The following MGAM variants were observed in gnomAD, a reference collection of about 807,000 sequenced individuals.
MGAM encodes alpha-1,4-glucosidase.
Under a neutral mutation model 358.8 loss-of-function variants are expected in MGAM, and 253 were observed. That is an observed-to-expected ratio of 0.71 (90% CI 0.64 to 0.78). MGAM has a LOEUF of 0.78. Among genes scored for constraint, MGAM ranks in the 30% least tolerant of loss-of-function variants. The pLI, the probability that MGAM is intolerant of heterozygous loss-of-function variation, is 0.00. For missense variants in MGAM, 3,080 were observed against 3,432.6 expected (o/e 0.90, Z 2.57); for synonymous variants, 1,105 against 1,227.1 (o/e 0.90, Z 2.08).
intron 10 of MGAM, 156 bp from the exon 11 acceptor site, chr7:142,030,206 T>C (rs925702929): frequency 1.1e-5 from 9 of 787,042 alleles, no homozygotes; most frequent in Non-Finnish European, 1.7e-5. Flanking sequence ...GAAATCAACA[T>C]TGGAAAAGAA....
chr7:142,045,305 T>C (rs1584995806), intron 21 of MGAM, among the ~76,000 whole-genome samples: 1 of 113,218 alleles, frequency 8.8e-6, no homozygotes, highest in African/African-American at 3.7e-5. Context: ...ATATATATTA[T>C]ATGTACCTAT....
chr7:142,047,650 G>A, intron 21 of MGAM, 135 bp from the exon 22 acceptor site: 1 of 777,082 alleles, frequency 1.3e-6, no homozygotes. Context: ...TCAATTTTGT[G>A]TTTGTGCCTG....
upstream of MGAM, among the ~76,000 whole-genome samples, chr7:141,992,405 T>C (rs1803986796): frequency 6.6e-6 from 1 of 152,140 alleles, no homozygotes; most frequent in African/African-American, 2.4e-5. Flanking sequence ...TTTCCTCTTC[T>C]GTAAAATAAG....
chr7:142,089,263 G>T (rs1311279128), intron 57 of MGAM, among the ~76,000 whole-genome samples: 4 of 146,314 alleles, frequency 2.7e-5, no homozygotes, highest in African/African-American at 9.7e-5. Context: ...GGAAATCTGA[G>T]GGCAGTGTTG....
rs564175275 is a variant in MGAM, at chr7:142,049,550, A to G, written c.2588-685A>G. Among the ~76,000 whole-genome samples the G allele has an allele frequency of 3.3e-5, 5 of 152,324 alleles. No individual in the cohort carries two copies. The South Asian group carries it at 1.0e-3, about 32-fold the overall frequency. On this transcript the variant is annotated intron_variant, in intron 22 of 70. Transcript: ENST00000475668. ...GGATAAAAATGTTTGCAAACCATGT[A>G]TCTCAGAAGAGATTAATATAAAAAA...
chr7:142,041,898 A>ATG (rs1446545246), intron 21 of MGAM, among the ~76,000 whole-genome samples: 4 of 42,592 alleles, frequency 9.4e-5, no homozygotes. Flanking sequence ...AATATATAAT[A>ATG]TATATATTAT....
intron 1 of MGAM, among the ~76,000 whole-genome samples, chr7:142,001,832 A>G (rs774091033): frequency 6.6e-6 from 1 of 152,234 alleles, no homozygotes; most frequent in Non-Finnish European, 1.5e-5. Flanking sequence ...TTTCTTACCC[A>G]GGACCCATTA....
rs1814212943 is a variant in MGAM, at chr7:142,080,965, A to T, written c.6002+20A>T. 3 of 1,540,496 alleles carry T rather than the reference A, an allele frequency of 1.9e-6. No homozygotes were observed. Among genetic ancestry groups the T allele is most frequent in the Non-Finnish European group, 2.7e-6 (3 of 1,121,722 alleles). On this transcript the variant is annotated intron_variant, in intron 50 of 70. Transcript: ENST00000475668. ...TATAATGTGAGTGGCTTCTAGTGTG[A>T]CTCAGAGTTGATGGCTACCTGCGCC...
At chr7:142,101,703 C>T (rs1816456542) in intron 68 of MGAM, among the ~76,000 whole-genome samples, 1 of 151,386 alleles carries the variant, frequency 6.6e-6, no homozygotes, top group Admixed American at 6.6e-5. Context: ...GTTGGGAGTT[C>T]GAGATCAGCC....
intron 42 of MGAM, among the ~76,000 whole-genome samples, chr7:142,067,935 A>AATATATATATATATATAT (rs547783903): frequency 3.4e-5 from 1 of 29,180 alleles, no homozygotes; most frequent in Non-Finnish European, 8.7e-5. Context: ...ACCTCCCTCA[A>AATATATATATATATATAT]ATATATATAT....
At chr7:142,058,758 G>C (rs1310180886) in intron 31 of MGAM, among the ~76,000 whole-genome samples, 1 of 152,200 alleles carries the variant, frequency 6.6e-6, no homozygotes, top group Non-Finnish European at 1.5e-5. Context: ...CATCAGCTCT[G>C]AGCTAATAAC....
intron 29 of MGAM, 58 bp from the exon 30 acceptor site, chr7:142,056,772 G>A (rs1366006806): frequency 1.3e-6 from 2 of 1,544,862 alleles, no homozygotes; most frequent in African/African-American, 2.7e-5. Flanking sequence ...GTGGATTTCA[G>A]GGGTGATTCG....
chr7:142,061,488 C>G, intron 34 of MGAM, among the ~76,000 whole-genome samples: 1 of 152,134 alleles, frequency 6.6e-6, no homozygotes, highest in East Asian at 1.9e-4. Context: ...CTGCCAGACC[C>G]ATATAGGCTG....
At position 142,050,321 on chromosome 7, in the gene MGAM, T is replaced by C; in HGVS notation, c.2637+37T>C. On this transcript the variant is annotated intron_variant, in intron 23 of 70. Coordinates refer to ENST00000475668, the MANE Select transcript of MGAM (RefSeq NM_001365693.1). ...ATTTTTATGAATCTTAGGTGTGGGC[T>C]TTGGACTGACCATTAGCACATCTGT... 1.9e-6 allele frequency: 3 copies of C among 1,595,976 alleles called. No individual in the cohort carries two copies. In the South Asian group the frequency reaches 3.3e-5, roughly 18 times the overall value.
Position 142,086,623 on chromosome 7 carries a change from T to G in MGAM, c.6748-32T>G. On this transcript the variant is annotated intron_variant, in intron 56 of 70. Coordinates refer to ENST00000475668, the MANE Select transcript of MGAM (RefSeq NM_001365693.1). ...ATACTATGTAAGGGAAATTGTCTAG[T>G]GCATCGCTACTGAACATGTTTCTCT... 3 of 1,029,498 alleles carry G rather than the reference T, an allele frequency of 2.9e-6. 1 individual carries two copies. In the Admixed American group the frequency reaches 6.3e-5, roughly 22 times the overall value. 63.8% of individuals were successfully genotyped at this position (1,029,498 alleles called of 1,614,324 possible).
rs1812804314 is a variant in MGAM, at chr7:142,066,804, C to T, written c.4919+83C>T. The T allele has an allele frequency of 2.8e-6, 4 of 1,420,636 alleles. 1 individual carries two copies. Among genetic ancestry groups the T allele is most frequent in the South Asian group, 2.5e-5 (2 of 79,090 alleles). The allele number at this position is 1,420,636 out of a possible 1,614,324, so 88.0% of individuals were successfully genotyped here. ...TAGCAGTTGATATACACAACGCTTC[C>T]AAATTAAAGACATGATGGCCTTTTG... is the stretch of plus-strand genomic sequence containing the variant. On this transcript the variant is annotated intron_variant, in intron 41 of 70. Coordinates refer to ENST00000475668, the MANE Select transcript of MGAM (RefSeq NM_001365693.1).
At position 142,034,793 on chromosome 7, in the gene MGAM, A is replaced by C. The variant is rs190777514; in HGVS notation, c.1911A>C (p.Arg637Ser). The C allele has an allele frequency of 1.7e-3, 2,788 of 1,613,486 alleles. 2 individuals carry two copies. Among genetic ancestry groups the C allele is most frequent in the Admixed American group, 5.6e-3 (337 of 59,966 alleles). ...GDNTATWDDL[R>S]WSIPGVLEFN... is the part of the protein sequence containing the mutation. ...ACACTGCCACCTGGGATGACCTGAGATGGTCCATCCCTGGCGTGCTTGAGT... is the reference window on the plus strand; with the variant it reads ...ACACTGCCACCTGGGATGACCTGAGCTGGTCCATCCCTGGCGTGCTTGAGT... Residue 637 changes from arginine (R) to serine (S), a missense_variant, in exon 16 of 71, where the codon AGA becomes AGC. Physicochemically the swap from Arg to Ser is moderately radical, Grantham distance 110. Coordinates refer to ENST00000475668, the MANE Select transcript of MGAM (RefSeq NM_001365693.1).
At position 142,044,479 on chromosome 7, in the gene MGAM, G is replaced by T. The variant is rs1437076762; in HGVS notation, c.2499-3306G>T. Among the ~76,000 whole-genome samples, 5 of 133,782 alleles carry T rather than the reference G, an allele frequency of 3.7e-5. No homozygotes were observed. The East Asian group carries it at 1.1e-3, about 29-fold the overall frequency. The allele number at this position is 133,782 out of a possible 152,430, so 87.8% of individuals were successfully genotyped here. On this transcript the variant is annotated intron_variant, in intron 21 of 70. Coordinates refer to ENST00000475668, the MANE Select transcript of MGAM (RefSeq NM_001365693.1). Reference sequence around the variant, plus strand: ...ACACATACGATATATGATATATAATGTATATTATATACACTTACGATATAT... The same window carrying T: ...ACACATACGATATATGATATATAATTTATATTATATACACTTACGATATAT...
At chr7:142,056,987 T>G (rs1333114260) in intron 30 of MGAM, 45 bp downstream of exon 30, 2 of 1,578,464 alleles carry the variant, frequency 1.3e-6, no homozygotes, top group East Asian at 4.5e-5. Flanking sequence ...CACAGCACAT[T>G]CTGGGTGCCA....
Sources: gnomAD v4.1 joint callset for allele counts (sites outside exome capture counted in the v4.1 genomes callset) on GRCh38, gnomAD v4.1.1 for gene constraint, MANE v1.5 for transcripts, NCBI Gene and HGNC (gene_info 2026-07-23, HGNC 2026-07-21) for gene names.